The following ESPNL variants were observed in gnomAD, a reference collection of about 807,000 sequenced individuals.
The protein encoded by ESPNL is espin-like protein.
Under a neutral mutation model 46.8 loss-of-function variants are expected in ESPNL, and 49 were observed. That is an observed-to-expected ratio of 1.05 (90% confidence interval 0.83 to 1.33). ESPNL has a LOEUF of 1.33. Among genes scored for constraint, ESPNL ranks in the 40% most tolerant of loss-of-function variants. ESPNL has a pLI of 0.00. For missense variants in ESPNL, 1,540 were observed against 1,436.6 expected (o/e 1.07, Z -1.16); for synonymous variants, 664 against 662.1 (o/e 1.00, Z -0.04).
At chr2:238,104,563 C>A (rs562278268) in intron 2 of ESPNL, 93 bp from the exon 3 acceptor site, 6 of 1,328,194 alleles carry the variant, frequency 4.5e-6, no homozygotes, top group Admixed American at 5.3e-5. Context: ...TCATCACGGG[C>A]AGGGCCAGGG....
At position 238,130,868 on chromosome 2, in the gene ESPNL, C is replaced by T. The variant is rs762290062; in HGVS notation, c.2154C>T (p.Cys718=). The T allele has an allele frequency of 2.4e-5, 37 of 1,555,878 alleles. No homozygotes were observed. The highest frequency in any genetic ancestry group is 2.8e-5 in the Non-Finnish European group (32 of 1,151,332). ...TEEASDSGIS[C]EEVPSEAGAA... ...AGGCCAGCGACTCTGGCATCAGCTG[C>T]GAGGAGGTGCCATCAGAGGCGGGTG... is the stretch of plus-strand genomic sequence containing the variant. Residue 718 remains cysteine, a synonymous_variant, in exon 9 of 9, where the codon TGC becomes TGT. Coordinates refer to ENST00000343063, the MANE Select transcript of ESPNL (RefSeq NM_194312.4).
chr2:238,118,779 GGAGATGGAGGAGGGTGGATGGAGGAGGA>G (rs1559263559), intron 5 of ESPNL, among the ~76,000 whole-genome samples: 3 of 39,630 alleles, frequency 7.6e-5, no homozygotes, highest in African/African-American at 5.8e-4. Context: ...ATGGAGGAGG[GGAGATGGAGGAGGGTGGATGGAGGAGGA>G]ATGGATGGAG....
At chr2:238,103,976 C>T (rs1474180115) in intron 2 of ESPNL, among the ~76,000 whole-genome samples, 1 of 152,210 alleles carries the variant, frequency 6.6e-6, no homozygotes, top group Admixed American at 6.5e-5. Flanking sequence ...TGTTTCCCCT[C>T]TGCCAGCTGA....
At chr2:238,127,561 G>A in intron 6 of ESPNL, 61 bp from the exon 7 acceptor site, 1 of 1,509,462 alleles carries the variant, frequency 6.6e-7, no homozygotes, top group South Asian at 1.3e-5. Flanking sequence ...GATCCCCGAG[G>A]CTCTGGGTCT....
intron 5 of ESPNL, among the ~76,000 whole-genome samples, chr2:238,117,648 T>A (rs1294082705): frequency 6.6e-6 from 1 of 152,228 alleles, no homozygotes; most frequent in Non-Finnish European, 1.5e-5. Flanking sequence ...CATTTCCCCA[T>A]TTGTAAGGAC....
Position 238,107,885 on chromosome 2 carries a change from A to G in ESPNL, c.767A>G (p.Asp256Gly). The G allele has an allele frequency of 6.2e-7, 1 of 1,612,574 alleles. No individual in the cohort carries two copies. Among genetic ancestry groups the G allele is most frequent in the African/African-American group, 1.3e-5 (1 of 74,990 alleles). ...CGAGGCGGCCACACGCCCATTCTAG[A>G]CCGACTCCTGCTCATGGGTACCCCC... ...AARGGHTPIL[D>G]RLLLMGTPIL... Residue 256 changes from aspartate to glycine, a missense_variant, in exon 4 of 9, where the codon GAC becomes GGC. Transcript: ENST00000343063.
chr2:238,117,240 C>A (rs1359701124), intron 5 of ESPNL, among the ~76,000 whole-genome samples: 5 of 152,164 alleles, frequency 3.3e-5, no homozygotes, highest in Non-Finnish European at 7.4e-5. Flanking sequence ...GTAACAGGAG[C>A]TGTGACAGGG....
At chr2:238,128,050 G>A (rs1692180972) in intron 7 of ESPNL, among the ~76,000 whole-genome samples, 1 of 152,176 alleles carries the variant, frequency 6.6e-6, no homozygotes, top group Non-Finnish European at 1.5e-5. Context: ...CTTGGAGTGC[G>A]GAGATCGCAG....
intron 8 of ESPNL, among the ~76,000 whole-genome samples, chr2:238,129,492 A>G (rs895209558): frequency 6.6e-6 from 1 of 152,098 alleles, no homozygotes; most frequent in Non-Finnish European, 1.5e-5. Context: ...TGGGCGCCTG[A>G]GGTTGGAGAG....
At chr2:238,122,640 C>T (rs1692013473) in intron 5 of ESPNL, among the ~76,000 whole-genome samples, 1 of 152,224 alleles carries the variant, frequency 6.6e-6, no homozygotes, top group Non-Finnish European at 1.5e-5. Flanking sequence ...TGCCATCCTG[C>T]CAAGCCCCTC....
In ESPNL at chr2:238,130,663, T is replaced by A; in HGVS notation, c.1949T>A (p.Val650Glu). The change falls in exon 9 of 9, where the codon GTG (valine) becomes GAG (glutamate). Residue 650 changes from valine (V) to glutamate (E), a missense_variant. Coordinates refer to ENST00000343063, the MANE Select transcript of ESPNL (RefSeq NM_194312.4). Reference protein sequence around the residue: ...EAQRQIQEWGVSVRTLRGNFE... With the variant: ...EAQRQIQEWGESVRTLRGNFE... ...CAGCGCCAGATCCAGGAGTGGGGGG[T>A]GTCTGTGCGGACGCTGCGGGGCAAC... The A allele has an allele frequency of 6.4e-7, 1 of 1,560,646 alleles. No homozygotes were observed. Among genetic ancestry groups the A allele is most frequent in the Non-Finnish European group, 8.7e-7 (1 of 1,152,946 alleles).
chr2:238,116,778 C>A, intron 4 of ESPNL, 125 bp from the exon 5 acceptor site: 1 of 1,267,140 alleles, frequency 7.9e-7, no homozygotes, highest in Non-Finnish European at 1.1e-6. Flanking sequence ...TCAAGTCCTG[C>A]CCCTGCTGGG....
chr2:238,131,302 T>G lies in ESPNL; in HGVS notation c.2588T>G (p.Phe863Cys). The G allele has an allele frequency of 6.3e-7, 1 of 1,583,254 alleles. No individual in the cohort carries two copies. Residue 863 changes from phenylalanine to cysteine, a missense_variant, in exon 9 of 9, where the codon TTC becomes TGC. Phe to Cys is a radical substitution (Grantham distance 205). Transcript: ENST00000343063. ...CTGGATCTCTTCATGCTGGGTTACT[T>G]CCAGCTGCTGGAGTGCGACCTGCCG... ...LSLDLFMLGY[F>C]QLLECDLPAE...
intron 4 of ESPNL, among the ~76,000 whole-genome samples, chr2:238,110,992 G>A (rs1574731661): frequency 3.2e-5 from 4 of 123,602 alleles, no homozygotes; most frequent in South Asian, 2.5e-4. Flanking sequence ...TCACTCTGTC[G>A]CCCAGGCTGG....
At chr2:238,128,990 C>T (rs968648341) in intron 8 of ESPNL, 86 bp downstream of exon 8, 61 of 1,474,348 alleles carry the variant, frequency 4.1e-5, no homozygotes, top group Non-Finnish European at 5.3e-5. Flanking sequence ...GCCCGAAGCC[C>T]AGAACTGAAT....
rs920282072 is a variant in ESPNL at position 238,102,030 on chromosome 2, C to T, written c.384C>T (p.His128=). The change falls in exon 2 of 9, where the codon CAC becomes CAT. Residue 128 remains histidine (H), a synonymous_variant. Coordinates refer to ENST00000343063, the MANE Select transcript of ESPNL (RefSeq NM_194312.4). ...VLVEWLLHEG[H]SATLETREGA... is the part of the protein sequence containing the mutation. ...TGGAGTGGCTGCTCCACGAGGGCCA[C>T]TCGGCCACGCTAGAGACCCGGGAGG... 1 of 1,605,802 alleles carries T rather than the reference C, an allele frequency of 6.2e-7. No homozygotes were observed. The highest frequency in any genetic ancestry group is 1.3e-5 in the African/African-American group (1 of 74,816).
At chr2:238,121,628 G>C (rs1045851249) in intron 5 of ESPNL, among the ~76,000 whole-genome samples, 20 of 152,214 alleles carry the variant, frequency 1.3e-4, no homozygotes, top group Non-Finnish European at 2.4e-4. Context: ...GAGCTCCTGG[G>C]TTCTAGTGAT....
Position 238,101,954 on chromosome 2 carries a change from C to A in ESPNL, c.308C>A (p.Ser103Ter). 1 of 1,608,608 alleles carries A rather than the reference C, an allele frequency of 6.2e-7. No homozygotes were observed. The highest frequency in any genetic ancestry group is 1.1e-5 in the South Asian group (1 of 90,566). The change falls in exon 2 of 9, where the codon TCG becomes TAG. Residue 103 changes from serine to a stop codon, truncating the protein, a stop_gained. Transcript: ENST00000343063. LOFTEE classifies it high-confidence loss of function. ...GGGGCTTGGTAGGACCAAGATGCCT[C>A]GGGCGTCTCCCCGCTGCACCTGGCC... ...GGCGLQDQDASGVSPLHLAAR... is the reference protein window; with the variant it reads ...GGCGLQDQDA
chr2:238,120,614 C>T (rs1007605536), intron 5 of ESPNL, among the ~76,000 whole-genome samples: 2 of 152,266 alleles, frequency 1.3e-5, no homozygotes, highest in Admixed American at 6.5e-5. Context: ...AACCCAACCC[C>T]GGGGCCTTCC....
Sources: allele counts gnomAD v4.1 joint callset (sites outside exome capture counted in the v4.1 genomes callset), GRCh38; gene constraint gnomAD v4.1.1; transcripts MANE v1.5; gene names NCBI Gene and HGNC (gene_info 2026-07-23, HGNC 2026-07-21).